NKAIN2: variants seen among roughly 807,000 people sequenced by gnomAD.
NKAIN2 encodes the protein sodium/potassium transporting ATPase interacting 2.
Under a neutral mutation model 32.6 loss-of-function variants are expected in NKAIN2, and 14 were observed. The observed-to-expected ratio is 0.43, with a 90% confidence interval of 0.28 to 0.67. The LOEUF is 0.67. NKAIN2 is among the 30% of genes least tolerant of loss of function. NKAIN2 has a pLI of 0.17. For missense variants in NKAIN2, 198 were observed against 258.3 expected (o/e 0.77, Z 1.60); for synonymous variants, 80 against 87.2 (o/e 0.92, Z 0.46).
intron 1 of NKAIN2, among the ~76,000 whole-genome samples, chr6:123,945,578 A>G (rs1777027705): frequency 6.6e-6 from 1 of 152,094 alleles, no homozygotes; most frequent in Non-Finnish European, 1.5e-5. Context: ...TAAATCTGGC[A>G]GTAATGCTGA....
intron 3 of NKAIN2, among the ~76,000 whole-genome samples, chr6:124,525,038 T>C (rs992491315): frequency 1.3e-5 from 2 of 152,152 alleles, no homozygotes; most frequent in African/African-American, 2.4e-5. Context: ...AGCGATACAA[T>C]TGGTTTCTGA....
intron 1 of NKAIN2, among the ~76,000 whole-genome samples, chr6:124,179,387 C>T (rs968021523): frequency 1.3e-5 from 2 of 152,168 alleles, no homozygotes; most frequent in African/African-American, 4.8e-5. Flanking sequence ...ATCTCAAATG[C>T]AATGACTTTG....
At chr6:124,760,905 T>C (rs1328247318) in intron 4 of NKAIN2, among the ~76,000 whole-genome samples, 2 of 152,144 alleles carry the variant, frequency 1.3e-5, no homozygotes, top group East Asian at 3.9e-4. Flanking sequence ...TTTTGTCTGC[T>C]TTTTTCATTA....
At chr6:124,492,242 A>G (rs1024589557) in intron 3 of NKAIN2, among the ~76,000 whole-genome samples, 10 of 152,080 alleles carry the variant, frequency 6.6e-5, no homozygotes, top group Non-Finnish European at 1.2e-4. Context: ...TATGGCAACC[A>G]GAAATTTCTA....
intron 3 of NKAIN2, among the ~76,000 whole-genome samples, chr6:124,632,104 A>ATGAC (rs1382141448): frequency 6.6e-6 from 1 of 152,204 alleles, no homozygotes; most frequent in Non-Finnish European, 1.5e-5. Context: ...ATTGGTGATA[A>ATGAC]TGACATACGT....
At chr6:124,734,814 A>G (rs1435294632) in intron 4 of NKAIN2, among the ~76,000 whole-genome samples, 1 of 151,966 alleles carries the variant, frequency 6.6e-6, no homozygotes, top group Non-Finnish European at 1.5e-5. Flanking sequence ...AGGTCATTAC[A>G]GCTTATGATC....
chr6:124,439,494 TATG>T (rs201774710), intron 3 of NKAIN2, among the ~76,000 whole-genome samples: 1,984 of 152,148 alleles, frequency 0.013, 14 homozygotes, highest in Middle Eastern at 0.037. Context: ...AAGCAAATCG[TATG>T]ATGTCAGGCT....
chr6:124,158,810 G>T (rs1156392923), intron 1 of NKAIN2, among the ~76,000 whole-genome samples: 1 of 152,162 alleles, frequency 6.6e-6, no homozygotes, highest in Non-Finnish European at 1.5e-5. Context: ...ACATTATGTA[G>T]ATCTAGCCCA....
intron 3 of NKAIN2, among the ~76,000 whole-genome samples, chr6:124,411,541 T>C (rs1026719425): frequency 1.3e-5 from 2 of 152,264 alleles, no homozygotes; most frequent in South Asian, 2.1e-4. Flanking sequence ...GAGTTTCTGC[T>C]GAGAGATCAG....
rs549525528 is a variant in NKAIN2 at position 124,549,385 on chromosome 6, A to T, written c.274-108801A>T. Among the ~76,000 whole-genome samples the T allele has an allele frequency of 2.6e-5, 4 of 152,212 alleles. No individual in the cohort carries two copies. In the South Asian group the frequency reaches 8.3e-4, roughly 32 times the overall value. ...TCCATCTCAAAATAAATAAATAAGT[A>T]AATAGTGGCTTTTTAATTTTTTTGA... On this transcript the variant is annotated intron_variant, in intron 3 of 6. Transcript: ENST00000368417.
chr6:124,012,107 T>G (rs1380587152), intron 1 of NKAIN2, among the ~76,000 whole-genome samples: 1 of 152,096 alleles, frequency 6.6e-6, no homozygotes, highest in African/African-American at 2.4e-5. Flanking sequence ...TGTTGATATA[T>G]TCTTATGTAT....
Position 124,136,006 on chromosome 6 carries a change from G to T in NKAIN2, c.55-146999G>T, listed in dbSNP as rs561498117. On this transcript the variant is annotated intron_variant, in intron 1 of 6. Coordinates refer to ENST00000368417, the MANE Select transcript of NKAIN2 (RefSeq NM_001040214.3). ...CAAGAGCAAACCAAAGCCAAACCCA[G>T]CAGAAAAAAAGCAATAACAAAGATC... 2.5e-4 allele frequency among the ~76,000 whole-genome samples: 38 copies of T among 151,134 alleles called. No individual in the cohort carries two copies. In the East Asian group the frequency reaches 7.2e-3, roughly 29 times the overall value.
At chr6:124,544,557 C>A (rs1004041990) in intron 3 of NKAIN2, among the ~76,000 whole-genome samples, 2 of 151,934 alleles carry the variant, frequency 1.3e-5, no homozygotes, top group Admixed American at 1.3e-4. Context: ...TTAGAGTGAG[C>A]TTTTCAGAGG....
At chr6:124,636,994 A>C (rs1376352742) in intron 3 of NKAIN2, among the ~76,000 whole-genome samples, 1 of 152,054 alleles carries the variant, frequency 6.6e-6, no homozygotes, top group East Asian at 1.9e-4. Context: ...TCCTCAACAA[A>C]ATACTAGGAA....
chr6:123,816,058 C>T (rs955925515), intron 1 of NKAIN2, among the ~76,000 whole-genome samples: 19 of 151,878 alleles, frequency 1.3e-4, no homozygotes, highest in African/African-American at 7.3e-5. Flanking sequence ...TACTAGTATA[C>T]GATAGGGAGG....
At chr6:124,608,160 T>C (rs1268204721) in intron 3 of NKAIN2, among the ~76,000 whole-genome samples, 1 of 152,150 alleles carries the variant, frequency 6.6e-6, no homozygotes, top group Admixed American at 6.5e-5. Flanking sequence ...GACATCCATG[T>C]TTTCATACCA....
chr6:124,303,971 A>T (rs1014497284), intron 2 of NKAIN2, among the ~76,000 whole-genome samples: 3 of 152,212 alleles, frequency 2.0e-5, no homozygotes, highest in African/African-American at 7.2e-5. Context: ...ATGAGTGAAA[A>T]TGCCATTTAC....
chr6:124,780,210 G>T (rs1478159073), intron 4 of NKAIN2, among the ~76,000 whole-genome samples: 1 of 152,130 alleles, frequency 6.6e-6, no homozygotes, highest in Non-Finnish European at 1.5e-5. Flanking sequence ...AGGATGAAAG[G>T]CCAAGAAGGA....
intron 3 of NKAIN2, among the ~76,000 whole-genome samples, chr6:124,433,147 T>TC (rs776923907): frequency 2.0e-5 from 3 of 152,290 alleles, no homozygotes; most frequent in Non-Finnish European, 4.4e-5. Context: ...TTCTGACCAT[T>TC]CACTCTCAGA....
Sources: allele counts gnomAD v4.1 joint callset (sites outside exome capture counted in the v4.1 genomes callset), GRCh38; gene constraint gnomAD v4.1.1; transcripts MANE v1.5; gene names NCBI Gene and HGNC (gene_info 2026-07-23, HGNC 2026-07-21).